MRTFB: variants seen among roughly 807,000 people sequenced by gnomAD.
MRTFB encodes the protein myocardin related transcription factor B.
A neutral mutation model predicts 104.2 loss-of-function variants in MRTFB; 29 were observed. That is an observed-to-expected ratio of 0.28 (90% confidence interval 0.21 to 0.38). MRTFB has a LOEUF of 0.38. Ranked by LOEUF, MRTFB falls within the 10% of genes least tolerant of loss-of-function variation. MRTFB has a pLI of 1.00. For synonymous variants in MRTFB, 535 were observed against 519.5 expected, an observed-to-expected ratio of 1.03 and a Z score of -0.41; for missense variants, 1,270 against 1,341.6, an observed-to-expected ratio of 0.95 and a Z score of 0.83.
At chr16:14,178,135 G>A (rs1031721920) in intron 3 of MRTFB, among the ~76,000 whole-genome samples, 1 of 152,166 alleles carries the variant, frequency 6.6e-6, no homozygotes, top group African/African-American at 2.4e-5. Context: ...TTTGTAAGTA[G>A]GCAGGAGGGA....
intron 3 of MRTFB, among the ~76,000 whole-genome samples, chr16:14,164,952 T>TAAA (rs879278829): frequency 7.0e-6 from 1 of 143,166 alleles, no homozygotes; most frequent in African/African-American, 2.5e-5. Flanking sequence ...AAGACAAAAT[T>TAAA]AAAAAAAAAA....
intron 3 of MRTFB, among the ~76,000 whole-genome samples, chr16:14,158,398 A>T (rs2038906669): frequency 6.6e-6 from 1 of 152,218 alleles, no homozygotes; most frequent in Non-Finnish European, 1.5e-5. Flanking sequence ...CCTTTGAAGT[A>T]GGTTTTAATT....
intron 3 of MRTFB, chr16:14,201,012 A>G: frequency 6.8e-7 from 1 of 1,461,502 alleles, no homozygotes; most frequent in Non-Finnish European, 9.6e-7. Flanking sequence ...TTGGGGAACA[A>G]CTGAAGAGAT....
the MRTFB span, among the ~76,000 whole-genome samples, chr16:14,053,303 T>C: frequency 1.3e-5 from 2 of 152,150 alleles, no homozygotes; most frequent in Admixed American, 1.3e-4. Flanking sequence ...TGTACACATT[T>C]ACATTTTCTT....
At chr16:14,166,973 A>G (rs1052470664) in intron 3 of MRTFB, among the ~76,000 whole-genome samples, 2 of 152,138 alleles carry the variant, frequency 1.3e-5, no homozygotes, top group Non-Finnish European at 2.9e-5. Flanking sequence ...GTTAACATAC[A>G]TGTGCACATA....
At chr16:14,229,461 TAAAATC>T (rs2042162175) in intron 8 of MRTFB, among the ~76,000 whole-genome samples, 1 of 152,228 alleles carries the variant, frequency 6.6e-6, no homozygotes, top group African/African-American at 2.4e-5. Context: ...ATTATTGACT[TAAAATC>T]TATAATACAA....
the MRTFB span, among the ~76,000 whole-genome samples, chr16:14,012,513 T>C: frequency 2.6e-5 from 4 of 152,006 alleles, no homozygotes; most frequent in East Asian, 1.9e-4. Flanking sequence ...TTAGCCAGGA[T>C]GGTCTCGATC....
chr16:14,017,182 A>G, the MRTFB span, among the ~76,000 whole-genome samples: 21 of 150,136 alleles, frequency 1.4e-4, no homozygotes, highest in South Asian at 2.1e-4. Context: ...TCAGCCTCCC[A>G]AGTAGCTGGG....
At chr16:14,180,781 A>G (rs2039741319) in intron 3 of MRTFB, among the ~76,000 whole-genome samples, 2 of 152,230 alleles carry the variant, frequency 1.3e-5, no homozygotes, top group Admixed American at 6.5e-5. Context: ...GTCCTCAGAG[A>G]GGGTGAAGCA....
chr16:14,030,906 C>A, the MRTFB span, among the ~76,000 whole-genome samples: 1 of 152,280 alleles, frequency 6.6e-6, no homozygotes, highest in South Asian at 2.1e-4. Context: ...GAACAGGAGA[C>A]TCCCTAGAAG....
At chr16:14,015,114 T>C in the MRTFB span, among the ~76,000 whole-genome samples, 1 of 152,178 alleles carries the variant, frequency 6.6e-6, no homozygotes. Context: ...CTGGTAGTAA[T>C]ATAAAGTTTC....
intron 3 of MRTFB, among the ~76,000 whole-genome samples, chr16:14,202,447 G>A (rs1288275589): frequency 6.6e-6 from 1 of 152,118 alleles, no homozygotes; most frequent in Non-Finnish European, 1.5e-5. Flanking sequence ...AGTACACATA[G>A]TGTTCTGTTT....
At chr16:14,153,000 C>A (rs2038690351) in intron 3 of MRTFB, 1 of 151,980 alleles carries the variant, frequency 6.6e-6, no homozygotes, top group Non-Finnish European at 1.5e-5. Context: ...ATGCTTTCAA[C>A]CAAGCTTCAC....
At chr16:14,244,381 T>G (rs1372166437) in intron 10 of MRTFB, among the ~76,000 whole-genome samples, 4 of 152,232 alleles carry the variant, frequency 2.6e-5, no homozygotes, top group Admixed American at 2.6e-4. Flanking sequence ...CATACATGTG[T>G]CTTTCTGTTA....
chr16:14,210,365 C>A, intron 4 of MRTFB, 57 bp downstream of exon 4: 1 of 1,307,860 alleles, frequency 7.6e-7, no homozygotes, highest in Non-Finnish European at 1.1e-6. Context: ...CGGGCGTGTC[C>A]AAGAAGAGCC....
chr16:14,045,832 G>A, the MRTFB span, among the ~76,000 whole-genome samples: 1 of 152,270 alleles, frequency 6.6e-6, no homozygotes, highest in African/African-American at 2.4e-5. Flanking sequence ...GTGCCCTCTG[G>A]TGCCACCTGA....
At chr16:14,147,527 T>G (rs2038378888) in intron 3 of MRTFB, among the ~76,000 whole-genome samples, 1 of 152,170 alleles carries the variant, frequency 6.6e-6, no homozygotes, top group South Asian at 2.1e-4. Flanking sequence ...ATTTAGACAG[T>G]TTTTGTTGTT....
chr16:14,159,108 G>T (rs1409971873), intron 3 of MRTFB, among the ~76,000 whole-genome samples: 1 of 152,086 alleles, frequency 6.6e-6, no homozygotes, highest in Non-Finnish European at 1.5e-5. Context: ...CTGTAGCCTG[G>T]GCAACAGTGT....
Position 14,246,622 on chromosome 16 carries a change from T to C in MRTFB, c.1362T>C (p.Ile454=), listed in dbSNP as rs1322239644. The change falls in exon 12 of 17, where the codon ATT becomes ATC. Residue 454 remains isoleucine, a synonymous_variant. Coordinates refer to ENST00000571589, the MANE Select transcript of MRTFB (RefSeq NM_001308142.2). ...TCGTGGCAGTGTCATCATCAGCCAT[T>C]GTCACCAGTAACCCAGAAGTCACTG... The part of the protein sequence containing the change: ...GGIVAVSSSA[I]VTSNPEVTVA... The C allele has an allele frequency of 2.5e-6, 4 of 1,614,024 alleles. No homozygotes were observed. Among genetic ancestry groups the C allele is most frequent in the Admixed American group, 3.3e-5 (2 of 60,012 alleles).
Sources: allele counts gnomAD v4.1 joint callset (sites outside exome capture counted in the v4.1 genomes callset), GRCh38; gene constraint gnomAD v4.1.1; transcripts MANE v1.5; gene names NCBI Gene and HGNC (gene_info 2026-07-23, HGNC 2026-07-21).